CBFA2T3: variants seen among roughly 807,000 people sequenced by gnomAD.
CBFA2T3 encodes the protein transcriptional corepressor CBFA2T3.
A neutral mutation model predicts 58.6 loss-of-function variants in CBFA2T3; 31 were observed. That is an observed-to-expected ratio of 0.53 (90% confidence interval 0.40 to 0.71). The LOEUF (loss-of-function observed/expected upper bound fraction) is 0.71, where lower values mean the gene tolerates loss of function less well. CBFA2T3 is among the 30% of genes least tolerant of loss of function. The pLI is 0.00. For synonymous variants in CBFA2T3, 531 were observed against 421.9 expected, an observed-to-expected ratio of 1.26 and a Z score of -3.17; for missense variants, 1,076 against 963.1, an observed-to-expected ratio of 1.12 and a Z score of -1.55.
At chr16:88,905,530 G>C (rs921608879) in intron 1 of CBFA2T3, among the ~76,000 whole-genome samples, 1 of 151,740 alleles carries the variant, frequency 6.6e-6, no homozygotes, top group East Asian at 1.9e-4. Flanking sequence ...GATGCAGCTC[G>C]CCCAGGGTAG....
In CBFA2T3 at chr16:88,879,256, C is replaced by T. The variant is rs1968968107; in HGVS notation, c.1662+14G>A. 6.3e-7 allele frequency: 1 copy of T among 1,578,068 alleles called. No individual in the cohort carries two copies. The highest frequency in any genetic ancestry group is 8.6e-7 in the Non-Finnish European group (1 of 1,159,850). On this transcript the variant is annotated intron_variant, in intron 11 of 11. Transcript: ENST00000268679. ...AGGCAGGGGATGGGTGTCAGCGTGG[C>T]CGGGTGGCCCTACCTCGCTGGAGTC... is the stretch of plus-strand genomic sequence containing the variant.
intron 1 of CBFA2T3, chr16:88,938,802 T>G (rs1444148229): frequency 1.3e-5 from 2 of 152,180 alleles, no homozygotes; most frequent in Non-Finnish European, 2.9e-5. Context: ...TCAAGCACCA[T>G]CCTTCCACCC....
chr16:88,890,345 T>C (rs1332344674), intron 5 of CBFA2T3, among the ~76,000 whole-genome samples: 2 of 152,178 alleles, frequency 1.3e-5, no homozygotes, highest in African/African-American at 4.8e-5. Context: ...AGTGGCAGGC[T>C]CGGGCTCAAG....
intron 1 of CBFA2T3, among the ~76,000 whole-genome samples, chr16:88,921,028 T>G (rs1970898209): frequency 6.6e-6 from 1 of 152,246 alleles, no homozygotes; most frequent in Non-Finnish European, 1.5e-5. Flanking sequence ...TTTAAACAGA[T>G]GTTTCCTCTT....
rs536531634 is a variant in CBFA2T3 at position 88,936,014 on chromosome 16, G to A, written c.152-34358C>T. Among the ~76,000 whole-genome samples the A allele has an allele frequency of 2.6e-5, 4 of 152,288 alleles. No individual in the cohort carries two copies. The East Asian group carries it at 7.7e-4, about 29-fold the overall frequency. Reference sequence around the variant, plus strand: ...CCCGCTGCCTCCGGGAACAGGGCAGGGGGCTGCAGTCACCCCTGGCCCTCG... The same window carrying A: ...CCCGCTGCCTCCGGGAACAGGGCAGAGGGCTGCAGTCACCCCTGGCCCTCG... On this transcript the variant is annotated intron_variant, in intron 1 of 11. Transcript: ENST00000268679.
intron 7 of CBFA2T3, among the ~76,000 whole-genome samples, 188 bp from the exon 8 acceptor site, chr16:88,882,949 G>C (rs1209624374): frequency 2.0e-5 from 3 of 152,224 alleles, no homozygotes; most frequent in African/African-American, 7.2e-5. Context: ...AGCCGCCTGG[G>C]GCTCTGGGCC....
At chr16:88,882,464 T>C (rs564193142) in intron 8 of CBFA2T3, among the ~76,000 whole-genome samples, 13 of 143,860 alleles carry the variant, frequency 9.0e-5, no homozygotes, top group South Asian at 2.2e-4. Context: ...CGTGGCTGTG[T>C]GCGTGGGGGT....
chr16:88,908,358 AAAAG>A (rs1970408753), intron 1 of CBFA2T3, among the ~76,000 whole-genome samples: 1 of 150,210 alleles, frequency 6.7e-6, no homozygotes, highest in Non-Finnish European at 1.5e-5. Flanking sequence ...AAAAAAAAGG[AAAAG>A]AAAAAGAAAA....
At chr16:88,897,500 C>T (rs8061271) in intron 3 of CBFA2T3, among the ~76,000 whole-genome samples, 29,098 of 152,168 alleles carry the variant, frequency 0.19, 2,934 homozygotes, top group East Asian at 0.43. Flanking sequence ...GGGCCACGCA[C>T]GTTGACAGAA....
chr16:88,884,703 G>A lies in CBFA2T3; in HGVS notation c.1117+343C>T, dbSNP rs187118938. ...TTGGACTCTGAGAGTTGGGACTCTC[G>A]TCTGGCCCAGGTGACAGAGGAGGAA... On this transcript the variant is annotated intron_variant, in intron 7 of 11. Coordinates refer to ENST00000268679, the MANE Select transcript of CBFA2T3 (RefSeq NM_005187.6). The A allele has an allele frequency of 4.3e-4, 102 of 237,744 alleles. 1 individual carries two copies. In the East Asian group the frequency reaches 8.4e-3, roughly 20 times the overall value. The allele number at this position is 237,744 out of a possible 1,614,324, so 14.7% of individuals were successfully genotyped here. A position where few individuals can be genotyped will look rare whatever the true frequency, so the allele number is the denominator to read the frequency against.
chr16:88,892,390 A>T lies in CBFA2T3; in HGVS notation c.475T>A (p.Ser159Thr). 3 of 1,613,512 alleles carry T rather than the reference A, an allele frequency of 1.9e-6. No homozygotes were observed. The highest frequency in any genetic ancestry group is 2.5e-6 in the Non-Finnish European group (3 of 1,180,006). ...GGGGGCAGGTGCTGTGTGGACAAGGAGGCTGTGGACGAGGTGGCCGGGCCA... is the reference window on the plus strand; with the variant it reads ...GGGGGCAGGTGCTGTGTGGACAAGGTGGCTGTGGACGAGGTGGCCGGGCCA... ...SNGPATSSTA[S>T]LSTQHLPPAC... The change falls in exon 4 of 12, where the codon TCC becomes ACC. Residue 159 changes from serine to threonine, a missense_variant. Transcript: ENST00000268679.
chr16:88,882,425 CTGTG>C (rs928261329), intron 8 of CBFA2T3, among the ~76,000 whole-genome samples: 10 of 144,718 alleles, frequency 6.9e-5, no homozygotes, highest in African/African-American at 1.8e-4. Context: ...GTGTGTATGG[CTGTG>C]TGTGGGTGTG....
intron 1 of CBFA2T3, among the ~76,000 whole-genome samples, chr16:88,972,919 A>C (rs1459790703): frequency 6.6e-6 from 1 of 152,166 alleles, no homozygotes; most frequent in Admixed American, 6.5e-5. Flanking sequence ...GCCCCTTTGC[A>C]GGCACCCTTG....
chr16:88,941,182 G>T (rs1353069062), intron 1 of CBFA2T3: 1 of 981,358 alleles, frequency 1.0e-6, no homozygotes, highest in African/African-American at 1.8e-5. Context: ...GGCGGGGCTG[G>T]GGCGCGCGGG....
intron 1 of CBFA2T3, among the ~76,000 whole-genome samples, chr16:88,971,096 G>A (rs973619701): frequency 1.3e-5 from 2 of 152,038 alleles, no homozygotes; most frequent in African/African-American, 4.8e-5. Context: ...TGGCTGACGT[G>A]TTTTCATCAA....
intron 2 of CBFA2T3, among the ~76,000 whole-genome samples, chr16:88,899,902 C>T (rs1038454756): frequency 3.3e-5 from 5 of 152,130 alleles, no homozygotes; most frequent in Admixed American, 6.5e-5. Flanking sequence ...TATGTGGGCT[C>T]GGTGTGGTCG....
intron 7 of CBFA2T3, chr16:88,884,807 C>G (rs1316791963): frequency 4.4e-6 from 2 of 452,566 alleles, no homozygotes; most frequent in African/African-American, 4.1e-5. Context: ...ACCACGTGGG[C>G]AGTTCCAGGC....
intron 3 of CBFA2T3, among the ~76,000 whole-genome samples, chr16:88,894,205 TACACACATGCAC>T (rs1969772116): frequency 1.4e-5 from 2 of 143,160 alleles, no homozygotes; most frequent in Non-Finnish European, 3.0e-5. Context: ...GCACACAATG[TACACACATGCAC>T]GCACACATGC....
chr16:88,892,609 G>A (rs960544514), intron 3 of CBFA2T3, 124 bp from the exon 4 acceptor site: 10 of 1,128,552 alleles, frequency 8.9e-6, no homozygotes, highest in African/African-American at 6.1e-5. Context: ...ACAATGATGA[G>A]ACACAAGGAC....
Sources: allele counts gnomAD v4.1 joint callset (sites outside exome capture counted in the v4.1 genomes callset), GRCh38; gene constraint gnomAD v4.1.1; transcripts MANE v1.5; gene names NCBI Gene and HGNC (gene_info 2026-07-23, HGNC 2026-07-21).